The following MCM3AP variants were observed in gnomAD, a reference collection of about 807,000 sequenced individuals.
MCM3AP encodes germinal-center associated nuclear protein.
Under a neutral mutation model 184.1 loss-of-function variants are expected in MCM3AP, and 126 were observed. That is an observed-to-expected ratio of 0.68 (90% CI 0.59 to 0.79). MCM3AP has a LOEUF of 0.79. Among genes scored for constraint, MCM3AP ranks in the 30% least tolerant of loss-of-function variants. The pLI, the probability that MCM3AP is intolerant of heterozygous loss-of-function variation, is 0.00. For missense variants in MCM3AP, 2,496 were observed against 2,479.2 expected, an observed-to-expected ratio of 1.01 and a Z score of -0.14; for synonymous variants, 1,002 against 979.3, an observed-to-expected ratio of 1.02 and a Z score of -0.43.
upstream of MCM3AP, chr21:46,285,890 G>A (rs778468115): frequency 5.2e-5 from 8 of 152,630 alleles, no homozygotes; most frequent in Non-Finnish European, 1.2e-4. Context: ...CGGGCTGGAA[G>A]GACGAGGGCG....
chr21:46,280,068 T>C lies in MCM3AP; in HGVS notation c.1592A>G (p.Glu531Gly), dbSNP rs144333393. 761 of 1,614,112 alleles carry C rather than the reference T, an allele frequency of 4.7e-4. 1 individual carries two copies. The highest frequency in any genetic ancestry group is 5.6e-4 in the Non-Finnish European group (660 of 1,180,032). Reference protein sequence around the residue: ...PGDGEVSPSTEDAPFQHSPLG... With the variant: ...PGDGEVSPSTGDAPFQHSPLG... The stretch of plus-strand genomic sequence containing the variant: ...AGGAGAGTGCTGAAAGGGTGCATCC[T>C]CTGTGCTCGGGCTGACTTCACCGTC... The change falls in exon 4 of 28, where the codon GAG (glutamate) becomes GGG (glycine). Residue 531 changes from glutamate (E) to glycine (G), a missense_variant. Coordinates refer to ENST00000291688, the MANE Select transcript of MCM3AP (RefSeq NM_003906.5).
intron 20 of MCM3AP, chr21:46,247,187 C>A: frequency 3.3e-6 from 1 of 300,554 alleles, no homozygotes; most frequent in Non-Finnish European, 6.3e-6. Flanking sequence ...TTGCTGGGCT[C>A]GAGCAGTCCT....
chr21:46,254,795 A>G lies in MCM3AP; in HGVS notation c.3982T>C (p.Phe1328Leu). 1 of 1,614,040 alleles carries G rather than the reference A, an allele frequency of 6.2e-7. No homozygotes were observed. Among genetic ancestry groups the G allele is most frequent in the Non-Finnish European group, 8.5e-7 (1 of 1,179,954 alleles). The change falls in exon 18 of 28, where the codon TTC (phenylalanine) becomes CTC (leucine). Residue 1328 changes from phenylalanine (F) to leucine (L), a missense_variant. Coordinates refer to ENST00000291688, the MANE Select transcript of MCM3AP (RefSeq NM_003906.5). ...KTAHQMKVQHFYQQLLSDVAW... is the reference protein window; with the variant it reads ...KTAHQMKVQHLYQQLLSDVAW... ...ACAGACCTCAGCAGCTGCTGGTAGAAGTGCTGAACCTTCATCTGGTGAGCT... is the reference window on the plus strand; with the variant it reads ...ACAGACCTCAGCAGCTGCTGGTAGAGGTGCTGAACCTTCATCTGGTGAGCT...
intron 13 of MCM3AP, among the ~76,000 whole-genome samples, chr21:46,262,855 T>C (rs1401444204): frequency 6.8e-6 from 1 of 147,536 alleles, no homozygotes; most frequent in African/African-American, 2.5e-5. Context: ...TAGTCCCAGC[T>C]ACTCGGGAGG....
chr21:46,254,811 C>A lies in MCM3AP; in HGVS notation c.3966G>T (p.Gln1322His), dbSNP rs762207826. 2 of 1,614,146 alleles carry A rather than the reference C, an allele frequency of 1.2e-6. No homozygotes were observed. The highest frequency in any genetic ancestry group is 1.3e-5 in the African/African-American group (1 of 75,042). Residue 1322 changes from glutamine to histidine, a missense_variant, in exon 18 of 28, where the codon CAG becomes CAT. Coordinates refer to ENST00000291688, the MANE Select transcript of MCM3AP (RefSeq NM_003906.5). ...LRRLRNKTAH[Q>H]MKVQHFYQQL... Reference sequence around the variant, plus strand: ...GCTGGTAGAAGTGCTGAACCTTCATCTGGTGAGCTGTCTTGTTTCTGAGCC... The same window carrying A: ...GCTGGTAGAAGTGCTGAACCTTCATATGGTGAGCTGTCTTGTTTCTGAGCC...
upstream of MCM3AP, chr21:46,285,623 A>AC: frequency 4.8e-6 from 1 of 207,528 alleles, no homozygotes; most frequent in Admixed American, 5.5e-5. Flanking sequence ...AAAAAAAAAA[A>AC]AGCCGAATCT....
Position 46,261,273 on chromosome 21 carries a change from C to T in MCM3AP, c.3467+7G>A, listed in dbSNP as rs1299404504. The T allele has an allele frequency of 6.2e-7, 1 of 1,613,756 alleles. No individual in the cohort carries two copies. The highest frequency in any genetic ancestry group is 2.2e-5 in the East Asian group (1 of 44,874). On this transcript the variant is annotated splice_region_variant and intron_variant, in intron 14 of 27. Transcript: ENST00000291688. ...CTTATTCGGCTGCATGGACAAGACACACTTACCTTTCCTCTTCAGCCCGCT... is the reference window on the plus strand; with the variant it reads ...CTTATTCGGCTGCATGGACAAGACATACTTACCTTTCCTCTTCAGCCCGCT...
intron 20 of MCM3AP, chr21:46,247,162 C>A: frequency 2.7e-6 from 1 of 372,952 alleles, no homozygotes; most frequent in Non-Finnish European, 4.9e-6. Flanking sequence ...TTATGTTGCC[C>A]AGGCTGGTCT....
At chr21:46,282,383 T>C (rs1224998879) in intron 2 of MCM3AP, among the ~76,000 whole-genome samples, 1 of 152,236 alleles carries the variant, frequency 6.6e-6, no homozygotes, top group African/African-American at 2.4e-5. Context: ...TCATTCACTT[T>C]ATAAATTTAT....
chr21:46,277,288 G>A (rs920535946), intron 5 of MCM3AP, among the ~76,000 whole-genome samples: 3 of 152,004 alleles, frequency 2.0e-5, no homozygotes, highest in African/African-American at 7.2e-5. Context: ...CCATTCTTTT[G>A]CATCCTCCCA....
At chr21:46,238,579 G>C (rs1256300543) in intron 26 of MCM3AP, among the ~76,000 whole-genome samples, 1 of 119,864 alleles carries the variant, frequency 8.3e-6, no homozygotes, top group African/African-American at 3.4e-5. Context: ...ATGGTGATGG[G>C]TACCTGTAGT....
chr21:46,269,055 A>G (rs1021598614), intron 9 of MCM3AP, among the ~76,000 whole-genome samples: 1 of 152,128 alleles, frequency 6.6e-6, no homozygotes, highest in African/African-American at 2.4e-5. Flanking sequence ...ATAAATAAAT[A>G]AAGTTATTAA....
intron 5 of MCM3AP, among the ~76,000 whole-genome samples, chr21:46,275,555 T>A (rs1258659509): frequency 6.6e-6 from 1 of 152,118 alleles, no homozygotes; most frequent in East Asian, 1.9e-4. Context: ...CACCTCTCTC[T>A]AACAGTCACA....
chr21:46,264,980 C>T (rs2081090603), intron 12 of MCM3AP, among the ~76,000 whole-genome samples: 1 of 152,002 alleles, frequency 6.6e-6, no homozygotes, highest in Non-Finnish European at 1.5e-5. Flanking sequence ...GGGGACACAC[C>T]CACCCAGGCC....
In MCM3AP at chr21:46,236,958, T is replaced by C. The variant is rs375511930; in HGVS notation, c.5655A>G (p.Gln1885=). 1.8e-5 allele frequency: 27 copies of C among 1,541,562 alleles called. No homozygotes were observed. The highest frequency in any genetic ancestry group is 2.8e-5 in the African/African-American group (2 of 70,956). ...ENKRFEDQLQ[Q]WLSEDSGAFT... ...ATGCTCCTGAGTCTTCAGACAACCA[T>C]TGCTGAAGCTGATCTTCAAACCTGA... The change falls in exon 27 of 28, where the codon CAA becomes CAG. Residue 1885 remains glutamine (Q), a synonymous_variant. Coordinates refer to ENST00000291688, the MANE Select transcript of MCM3AP (RefSeq NM_003906.5).
chr21:46,263,345 C>CA (rs2081065943), intron 13 of MCM3AP, among the ~76,000 whole-genome samples: 3 of 151,622 alleles, frequency 2.0e-5, no homozygotes, highest in Admixed American at 1.3e-4. Flanking sequence ...CAAAACAAAA[C>CA]AAACAAACAA....
chr21:46,284,337 C>A lies in MCM3AP; in HGVS notation c.950G>T (p.Arg317Leu), dbSNP rs145767384. 7.4e-6 allele frequency: 12 copies of A among 1,614,084 alleles called. No homozygotes were observed. Among genetic ancestry groups the A allele is most frequent in the Non-Finnish European group, 1.0e-5 (12 of 1,180,048 alleles). The change falls in exon 1 of 28, where the codon CGG becomes CTG. Residue 317 changes from arginine (R) to leucine (L), a missense_variant. Arg to Leu is a moderately radical substitution (Grantham distance 102). Around this residue, in one of 5 missense-constraint regions of MCM3AP, gnomAD observed 800 missense variants for 717.1 expected, o/e 1.12. Transcript: ENST00000291688. ...EPAEDSDPLS[R>L]GDHPPDKRPV... is the part of the protein sequence containing the mutation. The stretch of plus-strand genomic sequence containing the variant: ...TCGTTTGTCTGGAGGATGATCGCCC[C>A]GGGACAGAGGATCCGAATCTTCTGC...
chr21:46,243,093 A>C (rs1448757902), intron 24 of MCM3AP, 162 bp from the exon 25 acceptor site: 1 of 665,792 alleles, frequency 1.5e-6, no homozygotes, highest in East Asian at 2.7e-5. Flanking sequence ...AAGACCTTTG[A>C]TTAAAGTCAC....
chr21:46,251,933 T>G (rs2080878148), intron 19 of MCM3AP: 1 of 273,456 alleles, frequency 3.7e-6, no homozygotes, highest in Non-Finnish European at 6.6e-6. Context: ...TCGCCCAAGC[T>G]AGAGTGCAAT....
Sources: allele counts gnomAD v4.1 joint callset (sites outside exome capture counted in the v4.1 genomes callset), GRCh38; gene constraint gnomAD v4.1.1; regional missense constraint gnomAD v4.1.1; transcripts MANE v1.5; gene names NCBI Gene and HGNC (gene_info 2026-07-23, HGNC 2026-07-21).